The following MRPL57 variants were observed in gnomAD, a reference collection of about 807,000 sequenced individuals.
MRPL57 encodes the protein large ribosomal subunit protein mL63.
A neutral mutation model predicts 1.3 loss-of-function variants in MRPL57; 1 was observed. The ratio of observed to expected loss-of-function variants is 0.79; its 90% confidence interval spans 0.28 to 3.75. MRPL57 has a LOEUF of 3.75. MRPL57 is among the 30% of genes most tolerant of loss of function. MRPL57 has a pLI of 0.19. For missense variants in MRPL57, 170 were observed against 148.9 expected, an observed-to-expected ratio of 1.14 and a Z score of -0.74; for synonymous variants, 79 against 61.7, an observed-to-expected ratio of 1.28 and a Z score of -1.31.
Position 21,177,559 on chromosome 13 carries a change from A to G in MRPL57, c.*334A>G, listed in dbSNP as rs1871652228. The G allele has an allele frequency of 3.4e-6, 1 of 292,878 alleles. No homozygotes were observed. Among genetic ancestry groups the G allele is most frequent in the South Asian group, 5.3e-5 (1 of 18,706 alleles). 18.1% of individuals were successfully genotyped at this position (292,878 alleles called of 1,614,324 possible). On this transcript the variant is annotated 3_prime_UTR_variant, in exon 2 of 2. Transcript: ENST00000309594. ...TACTTGATGGGGGCTTTATCATGCA[A>G]CATTAGTTTGCTTACCTTAAGAATT...
At chr13:21,176,875 A>G in intron 1 of MRPL57, 37 bp from the exon 2 acceptor site, 3 of 1,587,032 alleles carry the variant, frequency 1.9e-6, no homozygotes, top group Non-Finnish European at 2.6e-6. Flanking sequence ...CGGCCGCGCC[A>G]GTTCGCCTCC....
chr13:21,177,101 A>T lies in MRPL57; in HGVS notation c.185A>T (p.His62Leu). 1.2e-6 allele frequency: 2 copies of T among 1,613,872 alleles called. No homozygotes were observed. The highest frequency in any genetic ancestry group is 1.7e-6 in the Non-Finnish European group (2 of 1,180,012). Residue 62 changes from histidine to leucine, a missense_variant, in exon 2 of 2, where the codon CAC becomes CTC. Physicochemically the swap from His to Leu is moderately conservative, Grantham distance 99. Transcript: ENST00000309594. ...ATGACCCGGGAGCAGGAGCGCGGCC[A>T]CGCCGCGGTGCGCAGGAGGGAGGCC... is the stretch of plus-strand genomic sequence containing the variant. ...PYMTREQERG[H>L]AAVRRREAFE... is the part of the protein sequence containing the mutation.
Position 21,177,861 on chromosome 13 carries a change from T to G in MRPL57, c.*636T>G, listed in dbSNP as rs1240026998. On this transcript the variant is annotated 3_prime_UTR_variant, in exon 2 of 2. Transcript: ENST00000309594. ...GTGCAGGCTTGCAATCCCAGCTACT[T>G]GGGACGCTGAGGTGGGAGGATCGCC... 2.5e-5 allele frequency: 4 copies of G among 161,834 alleles called. No individual in the cohort carries two copies. Among genetic ancestry groups the G allele is most frequent in the African/African-American group, 9.7e-5 (4 of 41,388 alleles). 10.0% of individuals were successfully genotyped at this position (161,834 alleles called of 1,614,324 possible). A position where few individuals can be genotyped will look rare whatever the true frequency, so the allele number is the denominator to read the frequency against.
chr13:21,178,959 A>G lies in MRPL57; in HGVS notation c.*1734A>G, dbSNP rs918694623. The G allele has an allele frequency of 1.2e-5, 2 of 166,712 alleles. No individual in the cohort carries two copies. Among genetic ancestry groups the G allele is most frequent in the East Asian group, 1.9e-4 (1 of 5,192 alleles). 10.3% of individuals were successfully genotyped at this position (166,712 alleles called of 1,614,324 possible). On this transcript the variant is annotated 3_prime_UTR_variant, in exon 2 of 2. Transcript: ENST00000309594. ...CTCCAGCCTGCATGACGGGAGTGAGACACCATCTCAAAAAATACATATAAT... is the reference window on the plus strand; with the variant it reads ...CTCCAGCCTGCATGACGGGAGTGAGGCACCATCTCAAAAAATACATATAAT...
At position 21,176,777 on chromosome 13, in the gene MRPL57, C is replaced by T. The variant is rs904282980; in HGVS notation, c.-6+60C>T. The stretch of plus-strand genomic sequence containing the variant: ...CTCCTTCTTCGCCTGCTGGCCTTAC[C>T]TGGGCTCCCCGCTTCTCTGGAGGGG... On this transcript the variant is annotated intron_variant, in intron 1 of 1. Transcript: ENST00000309594. 1.1e-5 allele frequency: 10 copies of T among 926,090 alleles called. No homozygotes were observed. The African/African-American group carries it at 1.3e-4, about 12-fold the overall frequency. 57.4% of individuals were successfully genotyped at this position (926,090 alleles called of 1,614,324 possible). A position where few individuals can be genotyped will look rare whatever the true frequency, so the allele number is the denominator to read the frequency against.
In MRPL57 at chr13:21,177,668, C is replaced by T. The variant is rs1218947117; in HGVS notation, c.*443C>T. The T allele has an allele frequency of 1.9e-5, 4 of 207,208 alleles. No homozygotes were observed. The highest frequency in any genetic ancestry group is 3.6e-4 in the East Asian group (2 of 5,546). 12.8% of individuals were successfully genotyped at this position (207,208 alleles called of 1,614,324 possible). ...CCGGGATTTTACTACTAAAATTGGA[C>T]ATTTAAGCGAAGTAAAAGAGGCCGG... On this transcript the variant is annotated 3_prime_UTR_variant, in exon 2 of 2. Coordinates refer to ENST00000309594, the MANE Select transcript of MRPL57 (RefSeq NM_024026.5).
Position 21,176,724 on chromosome 13 carries a change from A to C in MRPL57, c.-6+7A>C. The C allele has an allele frequency of 3.0e-6, 2 of 674,524 alleles. No homozygotes were observed. Among genetic ancestry groups the C allele is most frequent in the Non-Finnish European group, 4.9e-6 (2 of 407,826 alleles). 41.8% of individuals were successfully genotyped at this position (674,524 alleles called of 1,614,324 possible). A position where few individuals can be genotyped will look rare whatever the true frequency, so the allele number is the denominator to read the frequency against. On this transcript the variant is annotated splice_region_variant and intron_variant, in intron 1 of 1. Coordinates refer to ENST00000309594, the MANE Select transcript of MRPL57 (RefSeq NM_024026.5). ...GTCTTGAGCAGCGCGGCAGGTGAGTAGCTGTGCGAATTCGGTTCTCTAGGG... is the reference window on the plus strand; with the variant it reads ...GTCTTGAGCAGCGCGGCAGGTGAGTCGCTGTGCGAATTCGGTTCTCTAGGG...
chr13:21,176,691 G>A lies in MRPL57; in HGVS notation c.-32G>A, dbSNP rs527981202. The A allele has an allele frequency of 2.4e-5, 16 of 660,256 alleles. No homozygotes were observed. The African/African-American group carries it at 2.6e-4, about 11-fold the overall frequency. The allele number at this position is 660,256 out of a possible 1,614,324, so 40.9% of individuals were successfully genotyped here. ...CACGGCGTCTGCTGGCGGCCGCGGA[G>A]ACGCAGAGTCTTGAGCAGCGCGGCA... On this transcript the variant is annotated 5_prime_UTR_variant, in exon 1 of 2. Transcript: ENST00000309594.
Position 21,177,170 on chromosome 13 carries a change from A to C in MRPL57, c.254A>C (p.His85Pro). ...KAAATSKFPPHRFIADQLDHL... is the reference protein window; with the variant it reads ...KAAATSKFPPPRFIADQLDHL... ...GCCGCCACTTCCAAGTTCCCCCCGC[A>C]TAGATTCATTGCGGACCAGCTCGAC... The change falls in exon 2 of 2, where the codon CAT becomes CCT. Residue 85 changes from histidine to proline, a missense_variant. By Grantham distance (77) the His-to-Pro change is moderately conservative. Coordinates refer to ENST00000309594, the MANE Select transcript of MRPL57 (RefSeq NM_024026.5). The C allele has an allele frequency of 1.2e-6, 2 of 1,614,178 alleles. No homozygotes were observed. Among genetic ancestry groups the C allele is most frequent in the Non-Finnish European group, 1.7e-6 (2 of 1,180,040 alleles).
rs746574137 is a variant in MRPL57, at chr13:21,177,107, C to T, written c.191C>T (p.Ala64Val). 3 of 1,613,930 alleles carry T rather than the reference C, an allele frequency of 1.9e-6. No homozygotes were observed. The highest frequency in any genetic ancestry group is 2.5e-6 in the Non-Finnish European group (3 of 1,180,030). Reference protein sequence around the residue: ...MTREQERGHAAVRRREAFEAI... With the variant: ...MTREQERGHAVVRRREAFEAI... ...CGGGAGCAGGAGCGCGGCCACGCCGCGGTGCGCAGGAGGGAGGCCTTCGAG... is the reference window on the plus strand; with the variant it reads ...CGGGAGCAGGAGCGCGGCCACGCCGTGGTGCGCAGGAGGGAGGCCTTCGAG... Residue 64 changes from alanine to valine, a missense_variant, in exon 2 of 2, where the codon GCG becomes GTG. Physicochemically the swap from Ala to Val is moderately conservative, Grantham distance 64 (BLOSUM62 0). Transcript: ENST00000309594.
rs1871731300 is a variant in MRPL57, at chr13:21,178,997, AAT to A, written c.*1775_*1776del. The stretch of plus-strand genomic sequence containing the variant: ...AAATACATATAATAATATAAATAAA[AAT>A]ATCTTTTTTGAAAATAATTTAATAT... On this transcript the variant is annotated 3_prime_UTR_variant, in exon 2 of 2. Coordinates refer to ENST00000309594, the MANE Select transcript of MRPL57 (RefSeq NM_024026.5). The A allele has an allele frequency of 1.2e-5, 2 of 167,074 alleles. No homozygotes were observed. The highest frequency in any genetic ancestry group is 4.8e-5 in the African/African-American group (2 of 41,544). 10.3% of individuals were successfully genotyped at this position (167,074 alleles called of 1,614,324 possible).
Position 21,177,708 on chromosome 13 carries a change from G to C in MRPL57, c.*483G>C, listed in dbSNP as rs1472567641. 5.2e-6 allele frequency: 1 copy of C among 192,104 alleles called. No homozygotes were observed. The highest frequency in any genetic ancestry group is 1.2e-5 in the Non-Finnish European group (1 of 85,372). The allele number at this position is 192,104 out of a possible 1,614,324, so 11.9% of individuals were successfully genotyped here. Reference sequence around the variant, plus strand: ...AAAGAGGCCGGGTGCGGTGGCTCACGCCTGTAATCCCAACACTTTAGGAGT... The same window carrying C: ...AAAGAGGCCGGGTGCGGTGGCTCACCCCTGTAATCCCAACACTTTAGGAGT... On this transcript the variant is annotated 3_prime_UTR_variant, in exon 2 of 2. Coordinates refer to ENST00000309594, the MANE Select transcript of MRPL57 (RefSeq NM_024026.5).
At position 21,177,124 on chromosome 13, in the gene MRPL57, G is replaced by T; in HGVS notation, c.208G>T (p.Ala70Ser). 1 of 1,613,992 alleles carries T rather than the reference G, an allele frequency of 6.2e-7. No individual in the cohort carries two copies. The highest frequency in any genetic ancestry group is 8.5e-7 in the Non-Finnish European group (1 of 1,180,034). Residue 70 changes from alanine to serine, a missense_variant, in exon 2 of 2, where the codon GCC becomes TCC. Ala to Ser is a moderately conservative substitution (Grantham distance 99, BLOSUM62 1). Coordinates refer to ENST00000309594, the MANE Select transcript of MRPL57 (RefSeq NM_024026.5). ...CCACGCCGCGGTGCGCAGGAGGGAG[G>T]CCTTCGAGGCCATAAAGGCGGCCGC... ...RGHAAVRRRE[A>S]FEAIKAAATS...
Position 21,178,285 on chromosome 13 carries a change from A to G in MRPL57, c.*1060A>G, listed in dbSNP as rs1871693201. The G allele has an allele frequency of 6.6e-6, 1 of 152,528 alleles. No individual in the cohort carries two copies. Among genetic ancestry groups the G allele is most frequent in the African/African-American group, 2.4e-5 (1 of 41,378 alleles). 9.4% of individuals were successfully genotyped at this position (152,528 alleles called of 1,614,324 possible). A position where few individuals can be genotyped will look rare whatever the true frequency, so the allele number is the denominator to read the frequency against. On this transcript the variant is annotated 3_prime_UTR_variant, in exon 2 of 2. Transcript: ENST00000309594. ...AACCCTGTCTCCACTGAAAATACAT[A>G]AAATTAGCCGGGTGCAGTGGTGAGG...
At position 21,177,181 on chromosome 13, in the gene MRPL57, G is replaced by T. The variant is rs1292706214; in HGVS notation, c.265G>T (p.Ala89Ser). ...TSKFPPHRFIADQLDHLNVTK... is the reference protein window; with the variant it reads ...TSKFPPHRFISDQLDHLNVTK... ...CAAGTTCCCCCCGCATAGATTCATTGCGGACCAGCTCGACCATCTCAATGT... is the reference window on the plus strand; with the variant it reads ...CAAGTTCCCCCCGCATAGATTCATTTCGGACCAGCTCGACCATCTCAATGT... The change falls in exon 2 of 2, where the codon GCG becomes TCG. Residue 89 changes from alanine (A) to serine (S), a missense_variant. Physicochemically the swap from Ala to Ser is moderately conservative, Grantham distance 99. Coordinates refer to ENST00000309594, the MANE Select transcript of MRPL57 (RefSeq NM_024026.5). The T allele has an allele frequency of 6.2e-7, 1 of 1,614,024 alleles. No individual in the cohort carries two copies. Among genetic ancestry groups the T allele is most frequent in the Non-Finnish European group, 8.5e-7 (1 of 1,180,054 alleles).
rs1442147323 is a variant in MRPL57 at position 21,177,472 on chromosome 13, A to G, written c.*247A>G. The G allele has an allele frequency of 3.8e-6, 2 of 529,344 alleles. No homozygotes were observed. The highest frequency in any genetic ancestry group is 3.9e-5 in the Admixed American group (1 of 25,838). 32.8% of individuals were successfully genotyped at this position (529,344 alleles called of 1,614,324 possible). On this transcript the variant is annotated 3_prime_UTR_variant, in exon 2 of 2. Transcript: ENST00000309594. Reference sequence around the variant, plus strand: ...ATAGGGATTTCCTCAGTCACAGATGATATTTTGAAGGAAAGCTGCAATAAA... The same window carrying G: ...ATAGGGATTTCCTCAGTCACAGATGGTATTTTGAAGGAAAGCTGCAATAAA...
rs1248795786 is a variant in MRPL57, at chr13:21,176,673, T to A, written c.-50T>A. 4 of 668,790 alleles carry A rather than the reference T, an allele frequency of 6.0e-6. No individual in the cohort carries two copies. The South Asian group carries it at 6.2e-5, about 10-fold the overall frequency. The allele number at this position is 668,790 out of a possible 1,614,324, so 41.4% of individuals were successfully genotyped here. A position where few individuals can be genotyped will look rare whatever the true frequency, so the allele number is the denominator to read the frequency against. On this transcript the variant is annotated 5_prime_UTR_variant, in exon 1 of 2. Coordinates refer to ENST00000309594, the MANE Select transcript of MRPL57 (RefSeq NM_024026.5). Reference sequence around the variant, plus strand: ...AGACGGGTGCGCTTACGCCACGGCGTCTGCTGGCGGCCGCGGAGACGCAGA... The same window carrying A: ...AGACGGGTGCGCTTACGCCACGGCGACTGCTGGCGGCCGCGGAGACGCAGA...
At position 21,176,915 on chromosome 13, in the gene MRPL57, C is replaced by T. The variant is rs751038878; in HGVS notation, c.-2C>T. Reference sequence around the variant, plus strand: ...AGCCCGTCCCTCTCTTCCGCAGGCACCATGTTCCTGACTGCGCTCCTCTGG... The same window carrying T: ...AGCCCGTCCCTCTCTTCCGCAGGCATCATGTTCCTGACTGCGCTCCTCTGG... On this transcript the variant is annotated 5_prime_UTR_variant, in exon 2 of 2. Transcript: ENST00000309594. 1.3e-5 allele frequency: 21 copies of T among 1,606,254 alleles called. No individual in the cohort carries two copies. The highest frequency in any genetic ancestry group is 1.7e-5 in the Non-Finnish European group (20 of 1,178,664).
chr13:21,176,693 C>T lies in MRPL57; in HGVS notation c.-30C>T. On this transcript the variant is annotated 5_prime_UTR_variant, in exon 1 of 2. The change creates a new upstream start codon in the 5' untranslated region. Transcript: ENST00000309594. Reference sequence around the variant, plus strand: ...CGGCGTCTGCTGGCGGCCGCGGAGACGCAGAGTCTTGAGCAGCGCGGCAGG... The same window carrying T: ...CGGCGTCTGCTGGCGGCCGCGGAGATGCAGAGTCTTGAGCAGCGCGGCAGG... 4.5e-6 allele frequency: 3 copies of T among 661,060 alleles called. No individual in the cohort carries two copies. The highest frequency in any genetic ancestry group is 7.4e-6 in the Non-Finnish European group (3 of 404,572). 40.9% of individuals were successfully genotyped at this position (661,060 alleles called of 1,614,324 possible).
Sources: gnomAD v4.1 joint callset for allele counts on GRCh38, gnomAD v4.1.1 for gene constraint, MANE v1.5 for transcripts, NCBI Gene and HGNC (gene_info 2026-07-23, HGNC 2026-07-21) for gene names.